The following GALNT13 variants were observed in gnomAD, a reference collection of about 807,000 sequenced individuals.
The protein encoded by GALNT13 is polypeptide N-acetylgalactosaminyltransferase 13, also known as UDP-GalNAc:polypeptide N-acetylgalactosaminyltransferase 13.
A neutral mutation model predicts 64.2 loss-of-function variants in GALNT13; 28 were observed. The ratio of observed to expected loss-of-function variants is 0.44; its 90% CI spans 0.32 to 0.60. GALNT13 has a LOEUF of 0.60. Among genes scored for constraint, GALNT13 ranks in the 20% least tolerant of loss-of-function variants. GALNT13 has a pLI of 0.05. For missense variants in GALNT13, 577 were observed against 669.8 expected (o/e 0.86, Z 1.53); for synonymous variants, 214 against 224.6 (o/e 0.95, Z 0.42).
the GALNT13 span, among the ~76,000 whole-genome samples, chr2:153,256,421 C>T: frequency 6.0e-4 from 91 of 152,192 alleles, no homozygotes; most frequent in African/African-American, 1.6e-3. Flanking sequence ...AATGTTCTCC[C>T]GTAGCTCGGA....
chr2:153,953,976 C>T (rs1692389541), intron 3 of GALNT13, among the ~76,000 whole-genome samples: 1 of 152,000 alleles, frequency 6.6e-6, no homozygotes, highest in Non-Finnish European at 1.5e-5. Context: ...GATGGCCTTG[C>T]TCTCTTACAT....
intron 1 of GALNT13, among the ~76,000 whole-genome samples, chr2:153,898,125 A>G (rs1023068983): frequency 2.0e-4 from 30 of 152,192 alleles, no homozygotes; most frequent in African/African-American, 7.0e-4. Context: ...ATCTCTGTAT[A>G]TAGTGGGAGC....
the GALNT13 span, among the ~76,000 whole-genome samples, chr2:153,582,912 T>C: frequency 6.6e-6 from 1 of 152,210 alleles, no homozygotes; most frequent in Non-Finnish European, 1.5e-5. Flanking sequence ...TATTTTGTTT[T>C]TTAGGATCAT....
At chr2:153,075,371 A>G in the GALNT13 span, among the ~76,000 whole-genome samples, 1 of 152,224 alleles carries the variant, frequency 6.6e-6, no homozygotes, top group Admixed American at 6.5e-5. Context: ...GTTCAAACAC[A>G]GGACTAAACA....
At chr2:154,409,463 T>C (rs1559139473) in intron 11 of GALNT13, 1 of 225,940 alleles carries the variant, frequency 4.4e-6, no homozygotes, top group Non-Finnish European at 8.7e-6. Context: ...TTCAGATTTT[T>C]ATGTATGTTA....
At chr2:153,634,154 A>G in the GALNT13 span, among the ~76,000 whole-genome samples, 1 of 152,180 alleles carries the variant, frequency 6.6e-6, no homozygotes, top group African/African-American at 2.4e-5. Flanking sequence ...CACCGGGAAA[A>G]TTATTTAGTA....
the GALNT13 span, among the ~76,000 whole-genome samples, chr2:153,203,959 G>A: frequency 1.6e-3 from 240 of 152,232 alleles, no homozygotes; most frequent in African/African-American, 5.3e-3. Flanking sequence ...GGCCATATTT[G>A]AGAGTATGAG....
chr2:153,074,124 A>T, the GALNT13 span, among the ~76,000 whole-genome samples: 3 of 152,198 alleles, frequency 2.0e-5, no homozygotes, highest in South Asian at 6.2e-4. Context: ...ACTGACAATA[A>T]CTGGCTAAAT....
chr2:153,369,905 A>C, the GALNT13 span, among the ~76,000 whole-genome samples: 1 of 152,278 alleles, frequency 6.6e-6, no homozygotes, highest in South Asian at 2.1e-4. Flanking sequence ...GCTTCATGAG[A>C]GATTATGAAC....
the GALNT13 span, among the ~76,000 whole-genome samples, chr2:153,454,355 C>A: frequency 6.6e-6 from 1 of 152,142 alleles, no homozygotes; most frequent in Non-Finnish European, 1.5e-5. Context: ...AATTTCTAGA[C>A]CTGGCTAGTA....
At chr2:153,301,309 C>CAAAAAAAA in the GALNT13 span, among the ~76,000 whole-genome samples, 6 of 76,414 alleles carry the variant, frequency 7.9e-5, no homozygotes, top group African/African-American at 1.3e-4. Flanking sequence ...GACTCCTTCT[C>CAAAAAAAA]AAAAAAAAAG....
At chr2:153,127,913 T>C in the GALNT13 span, among the ~76,000 whole-genome samples, 3 of 152,230 alleles carry the variant, frequency 2.0e-5, no homozygotes, top group East Asian at 1.9e-4. Flanking sequence ...GTATTTACTA[T>C]GTGCAAATGC....
chr2:153,329,271 A>T, the GALNT13 span, among the ~76,000 whole-genome samples: 1 of 152,074 alleles, frequency 6.6e-6, no homozygotes, highest in Non-Finnish European at 1.5e-5. Context: ...AGCCTCCCCA[A>T]TTTGTTTTCT....
At chr2:154,245,087 C>G (rs941343723) in intron 6 of GALNT13, among the ~76,000 whole-genome samples, 5 of 148,986 alleles carry the variant, frequency 3.4e-5, no homozygotes, top group African/African-American at 1.2e-4. Flanking sequence ...GCCTGGGTGA[C>G]AGGGCAAGGC....
At chr2:153,118,293 C>T in the GALNT13 span, among the ~76,000 whole-genome samples, 1 of 152,184 alleles carries the variant, frequency 6.6e-6, no homozygotes, top group Non-Finnish European at 1.5e-5. Flanking sequence ...TAATTTCTTG[C>T]AATGCACTGT....
chr2:154,303,267 A>G (rs1324362644), intron 9 of GALNT13, among the ~76,000 whole-genome samples: 1 of 151,984 alleles, frequency 6.6e-6, no homozygotes, highest in Admixed American at 6.6e-5. Flanking sequence ...GCGATTTTAT[A>G]GGCAGGCTTG....
the GALNT13 span, among the ~76,000 whole-genome samples, chr2:153,361,305 C>T: frequency 6.6e-6 from 1 of 152,138 alleles, no homozygotes; most frequent in Non-Finnish European, 1.5e-5. Context: ...CAGAGTGCCT[C>T]TTCTCCTCCA....
At chr2:153,285,110 C>G in the GALNT13 span, among the ~76,000 whole-genome samples, 1 of 151,248 alleles carries the variant, frequency 6.6e-6, no homozygotes, top group African/African-American at 2.4e-5. Context: ...CTTATAATTA[C>G]GGCAGAGGCA....
intron 3 of GALNT13, among the ~76,000 whole-genome samples, chr2:154,004,654 A>G (rs1255040202): frequency 6.6e-6 from 1 of 152,194 alleles, no homozygotes; most frequent in Non-Finnish European, 1.5e-5. Context: ...ACCATAGATC[A>G]GTTCTCATTT....
Sources: allele counts gnomAD v4.1 joint callset (sites outside exome capture counted in the v4.1 genomes callset), GRCh38; gene constraint gnomAD v4.1.1; transcripts MANE v1.5; gene names NCBI Gene and HGNC (gene_info 2026-07-23, HGNC 2026-07-21).